The following CCDC171 variants were observed in gnomAD, a reference collection of about 807,000 sequenced individuals.
CCDC171 encodes coiled-coil domain-containing protein 171.
A neutral mutation model predicts 168.2 loss-of-function variants in CCDC171; 177 were observed. The observed-to-expected ratio is 1.05, with a 90% CI of 0.93 to 1.19. CCDC171 has a LOEUF of 1.19. Among genes scored for constraint, CCDC171 ranks in the 50% most tolerant of loss-of-function variants. The pLI, the probability that CCDC171 is intolerant of heterozygous loss-of-function variation, is 0.00. For missense variants in CCDC171, 1,991 were observed against 1,539.0 expected, an observed-to-expected ratio of 1.29 and a Z score of -4.91; for synonymous variants, 687 against 540.8, an observed-to-expected ratio of 1.27 and a Z score of -3.75.
chr9:15,603,106 C>T (rs996570084), intron 6 of CCDC171, among the ~76,000 whole-genome samples: 17 of 152,202 alleles, frequency 1.1e-4, no homozygotes, highest in Admixed American at 3.9e-4. Context: ...CTCAGCCTCC[C>T]GAGTGGCTGG....
chr9:15,986,091 AG>A (rs1348487002), intron 3 of CCDC171, among the ~76,000 whole-genome samples: 2 of 152,240 alleles, frequency 1.3e-5, no homozygotes, highest in African/African-American at 4.8e-5. Flanking sequence ...AGGAAATAAA[AG>A]GGGCTGATAA....
chr9:15,554,597 CAT>C (rs902687622), intron 1 of CCDC171, among the ~76,000 whole-genome samples: 9 of 152,218 alleles, frequency 5.9e-5, no homozygotes, highest in African/African-American at 1.9e-4. Flanking sequence ...TCTAAAGTCT[CAT>C]TTGATTCTAA....
chr9:15,571,803 G>T (rs1222230984), intron 3 of CCDC171, 44 bp downstream of exon 3: 3 of 1,506,216 alleles, frequency 2.0e-6, no homozygotes, highest in South Asian at 2.6e-5. Flanking sequence ...AGTTGAGTTT[G>T]ATTTTTTAGA....
At chr9:15,992,193 C>G (rs1832223470) in intron 3 of CCDC171, among the ~76,000 whole-genome samples, 1 of 152,186 alleles carries the variant, frequency 6.6e-6, no homozygotes, top group Non-Finnish European at 1.5e-5. Context: ...AAAATACTGG[C>G]AAACTGAATC....
exon 2 of CCDC171, chr9:16,060,734 G>T (rs1300060458): frequency 6.6e-6 from 1 of 152,246 alleles, no homozygotes; most frequent in Non-Finnish European, 1.5e-5. Context: ...AAAGCTATCG[G>T]TAGGAGTTAG....
chr9:15,922,398 C>T (rs1027356042), intron 25 of CCDC171, among the ~76,000 whole-genome samples: 2 of 151,540 alleles, frequency 1.3e-5, no homozygotes, highest in Non-Finnish European at 3.0e-5. Context: ...GAAAAACAAA[C>T]CTTTGTCTTT....
intron 21 of CCDC171, among the ~76,000 whole-genome samples, chr9:15,801,095 G>T (rs1304937420): frequency 6.6e-6 from 1 of 151,632 alleles, no homozygotes; most frequent in Non-Finnish European, 1.5e-5. Context: ...GCTATTCTGG[G>T]TCTTTTGTGG....
At chr9:15,604,962 T>C (rs1263764021) in intron 6 of CCDC171, among the ~76,000 whole-genome samples, 33 of 152,150 alleles carry the variant, frequency 2.2e-4, no homozygotes, top group Non-Finnish European at 8.8e-5. Flanking sequence ...CTGTTGCCCA[T>C]GTTGGAGTGC....
intron 2 of CCDC171, among the ~76,000 whole-genome samples, chr9:15,569,455 A>T (rs183098975): frequency 2.0e-5 from 3 of 152,200 alleles, no homozygotes; most frequent in Non-Finnish European, 4.4e-5. Context: ...TTATAAATTT[A>T]TTGTTTTTCA....
rs2038839678 is a variant in CCDC171, at chr9:15,556,811, T to C, written c.-112+3509T>C. Among the ~76,000 whole-genome samples the C allele has an allele frequency of 2.0e-5, 3 of 152,122 alleles. No homozygotes were observed. The South Asian group carries it at 6.2e-4, about 32-fold the overall frequency. ...TTTGGTGTTTTAGTCATGAAGTCCT[T>C]GCCCATGCCTATGTCCTGAATGGTA... On this transcript the variant is annotated intron_variant, in intron 1 of 25. Coordinates refer to ENST00000380701, the MANE Select transcript of CCDC171 (RefSeq NM_173550.4).
chr9:15,647,551 A>G (rs183671082), intron 7 of CCDC171, among the ~76,000 whole-genome samples: 31 of 152,326 alleles, frequency 2.0e-4, no homozygotes, highest in African/African-American at 7.2e-4. Context: ...ACAATAAAAA[A>G]TGATAAAGGG....
At position 15,558,582 on chromosome 9, in the gene CCDC171, C is replaced by T. The variant is rs370267536; in HGVS notation, c.-112+5280C>T. Among the ~76,000 whole-genome samples, 13 of 151,902 alleles carry T rather than the reference C, an allele frequency of 8.6e-5. No individual in the cohort carries two copies. The East Asian group carries it at 1.3e-3, about 16-fold the overall frequency. ...TTTCTGTGGGATCAGTGGTGATATCCCCTTTATCTTTTTTTATTACATCTT... is the reference window on the plus strand; with the variant it reads ...TTTCTGTGGGATCAGTGGTGATATCTCCTTTATCTTTTTTTATTACATCTT... On this transcript the variant is annotated intron_variant, in intron 1 of 25. Coordinates refer to ENST00000380701, the MANE Select transcript of CCDC171 (RefSeq NM_173550.4).
At chr9:15,777,485 A>T in intron 18 of CCDC171, 115 bp from the exon 19 acceptor site, 2 of 607,512 alleles carry the variant, frequency 3.3e-6, no homozygotes, top group East Asian at 2.8e-5. Context: ...ATGAATTACT[A>T]CAGGTGAATG....
Position 15,605,857 on chromosome 9 carries a change from G to A in CCDC171, c.675+11685G>A, listed in dbSNP as rs550585228. 1.2e-4 allele frequency among the ~76,000 whole-genome samples: 18 copies of A among 151,994 alleles called. No individual in the cohort carries two copies. In the South Asian group the frequency reaches 3.3e-3, roughly 28 times the overall value. On this transcript the variant is annotated intron_variant, in intron 6 of 25. Coordinates refer to ENST00000380701, the MANE Select transcript of CCDC171 (RefSeq NM_173550.4). Reference sequence around the variant, plus strand: ...CAATAATATTTTGCCTCCATCTTTTGATGTTCATACCTTATTCTTTTAGTA... The same window carrying A: ...CAATAATATTTTGCCTCCATCTTTTAATGTTCATACCTTATTCTTTTAGTA...
At chr9:15,779,399 G>A (rs1004480353) in intron 20 of CCDC171, among the ~76,000 whole-genome samples, 3 of 151,794 alleles carry the variant, frequency 2.0e-5, no homozygotes, top group Non-Finnish European at 4.4e-5. Context: ...TCACTCTGTT[G>A]CCCAGGCTGG....
chr9:15,947,047 T>TA (rs1397968114), intron 25 of CCDC171, among the ~76,000 whole-genome samples: 2 of 151,974 alleles, frequency 1.3e-5, no homozygotes, highest in Non-Finnish European at 2.9e-5. Context: ...ATTTAGAAAC[T>TA]AAAAAACATG....
chr9:15,587,021 C>T (rs2041616402), intron 4 of CCDC171, among the ~76,000 whole-genome samples: 1 of 152,092 alleles, frequency 6.6e-6, no homozygotes, highest in Non-Finnish European at 1.5e-5. Context: ...CCATGTTGAC[C>T]AGGCTGGTGT....
At chr9:15,884,907 G>C (rs1485822060) in intron 24 of CCDC171, among the ~76,000 whole-genome samples, 1 of 152,152 alleles carries the variant, frequency 6.6e-6, no homozygotes, top group Non-Finnish European at 1.5e-5. Flanking sequence ...TTAGTGTTTT[G>C]ACTTTTGGAG....
intron 9 of CCDC171, among the ~76,000 whole-genome samples, chr9:15,673,871 T>G (rs1222835883): frequency 6.6e-6 from 1 of 152,194 alleles, no homozygotes; most frequent in Non-Finnish European, 1.5e-5. Context: ...ATAAAATGAG[T>G]TAAGGAGGAT....
Sources: allele counts gnomAD v4.1 joint callset (sites outside exome capture counted in the v4.1 genomes callset), GRCh38; gene constraint gnomAD v4.1.1; transcripts MANE v1.5; gene names NCBI Gene and HGNC (gene_info 2026-07-23, HGNC 2026-07-21).